The following NCALD variants were observed in gnomAD, a reference collection of about 807,000 sequenced individuals.
The protein encoded by NCALD is neurocalcin delta, also known as neurocalcin-delta.
A neutral mutation model predicts 18.6 loss-of-function variants in NCALD; 10 were observed. The observed-to-expected ratio is 0.54, with a 90% CI of 0.33 to 0.91. The LOEUF is 0.91. Ranked by LOEUF, NCALD falls within the 40% of genes least tolerant of loss-of-function variation. The probability of loss-of-function intolerance (pLI) is 0.03; values close to 1 mark genes in which losing one functional copy is unlikely to be tolerated. For synonymous variants in NCALD, 88 were observed against 87.4 expected, an observed-to-expected ratio of 1.01 and a Z score of -0.04; for missense variants, 184 against 247.6, an observed-to-expected ratio of 0.74 and a Z score of 1.72.
intron 2 of NCALD, among the ~76,000 whole-genome samples, chr8:101,698,743 C>T (rs1815119418): frequency 6.6e-6 from 1 of 152,144 alleles, no homozygotes; most frequent in African/African-American, 2.4e-5. Flanking sequence ...AAAACTGAAA[C>T]TGCACCCCTT....
intron 2 of NCALD, among the ~76,000 whole-genome samples, chr8:101,961,191 T>C (rs1029402807): frequency 2.0e-5 from 3 of 152,132 alleles, no homozygotes; most frequent in African/African-American, 7.2e-5. Flanking sequence ...TTACAGATGG[T>C]TTGATGAGAA....
intron 1 of NCALD, among the ~76,000 whole-genome samples, chr8:102,061,827 GATT>G (rs915189132): frequency 6.6e-6 from 1 of 152,188 alleles, no homozygotes; most frequent in African/African-American, 2.4e-5. Context: ...TACACACGGA[GATT>G]ATTTTTAGTT....
chr8:101,972,263 G>A (rs1016035153), intron 2 of NCALD, among the ~76,000 whole-genome samples: 1 of 152,180 alleles, frequency 6.6e-6, no homozygotes, highest in Admixed American at 6.5e-5. Flanking sequence ...TTTGAATAGA[G>A]CCCAAGCTTT....
chr8:101,812,060 G>C (rs1053567891), intron 4 of NCALD, among the ~76,000 whole-genome samples: 3 of 152,154 alleles, frequency 2.0e-5, no homozygotes, highest in Non-Finnish European at 4.4e-5. Context: ...CTGGGAACCT[G>C]TCCTGTTAAA....
intron 2 of NCALD, among the ~76,000 whole-genome samples, chr8:102,017,059 TC>T (rs1374897279): frequency 6.6e-6 from 1 of 152,088 alleles, no homozygotes; most frequent in African/African-American, 2.4e-5. Context: ...AGAAATTTTA[TC>T]CAAATTGAAA....
intron 2 of NCALD, among the ~76,000 whole-genome samples, chr8:101,717,886 A>G (rs1401777109): frequency 6.6e-6 from 1 of 152,242 alleles, no homozygotes; most frequent in Non-Finnish European, 1.5e-5. Flanking sequence ...GTGGCAGAAT[A>G]CATGAATTGT....
At chr8:101,739,652 G>GA (rs58565329) in intron 1 of NCALD, among the ~76,000 whole-genome samples, 26,141 of 152,112 alleles carry the variant, frequency 0.17, 4,060 homozygotes, top group African/African-American at 0.41. Context: ...TACTGCCCTG[G>GA]AACATCACAC....
chr8:101,938,943 T>C (rs1010053824), intron 2 of NCALD, among the ~76,000 whole-genome samples: 1 of 152,248 alleles, frequency 6.6e-6, no homozygotes, highest in Non-Finnish European at 1.5e-5. Flanking sequence ...GGATGGAATA[T>C]AATGTGCAAT....
chr8:101,985,149 T>G (rs118137153), intron 2 of NCALD, among the ~76,000 whole-genome samples: 1 of 152,150 alleles, frequency 6.6e-6, no homozygotes, highest in Non-Finnish European at 1.5e-5. Context: ...CCATGCTGCG[T>G]GGAAGCCAAC....
intron 1 of NCALD, among the ~76,000 whole-genome samples, chr8:102,091,046 T>A (rs1369674403): frequency 6.6e-6 from 1 of 152,138 alleles, no homozygotes; most frequent in African/African-American, 2.4e-5. Flanking sequence ...AGCCCCAATT[T>A]ATCTTGGTAC....
rs186227719 is a variant in NCALD, at chr8:101,734,406, T to C, written c.-19-14758A>G. On this transcript the variant is annotated intron_variant, in intron 1 of 3. Transcript: ENST00000220931. ...ACAATTGGAATTATTTGCACAGTTA[T>C]ATGCTTAAAATCTACATCTCCTGCC... Among the ~76,000 whole-genome samples the C allele has an allele frequency of 1.1e-3, 169 of 152,332 alleles. 1 individual carries two copies. The highest frequency in any genetic ancestry group is 0.01 in the Admixed American group (160 of 15,306).
chr8:101,929,563 G>A (rs1818488756), intron 2 of NCALD, among the ~76,000 whole-genome samples: 1 of 65,620 alleles, frequency 1.5e-5, no homozygotes, highest in Non-Finnish European at 3.1e-5. Flanking sequence ...GAGGGAGGAA[G>A]GAAGGGAAGG....
At chr8:102,102,707 A>G (rs1260031274) in intron 1 of NCALD, among the ~76,000 whole-genome samples, 1 of 152,028 alleles carries the variant, frequency 6.6e-6, no homozygotes, top group African/African-American at 2.4e-5. Context: ...CTCCTTCTGC[A>G]CACCAGGCTC....
intron 2 of NCALD, among the ~76,000 whole-genome samples, chr8:101,705,326 G>A (rs1815462997): frequency 6.6e-6 from 1 of 152,138 alleles, no homozygotes; most frequent in South Asian, 2.1e-4. Flanking sequence ...AGAGAAACAT[G>A]GTTAACATGA....
intron 4 of NCALD, among the ~76,000 whole-genome samples, chr8:101,838,431 A>G (rs1814503263): frequency 6.6e-6 from 1 of 152,190 alleles, no homozygotes; most frequent in Non-Finnish European, 1.5e-5. Flanking sequence ...CATGTTGGCC[A>G]GGATGGTCTC....
chr8:101,979,794 C>T (rs1020780251), intron 2 of NCALD, among the ~76,000 whole-genome samples: 1 of 152,176 alleles, frequency 6.6e-6, no homozygotes, highest in Non-Finnish European at 1.5e-5. Flanking sequence ...AAATCCCTAT[C>T]GACAGTGTTA....
intron 1 of NCALD, among the ~76,000 whole-genome samples, chr8:102,044,528 A>C (rs1823170737): frequency 6.6e-6 from 1 of 152,238 alleles, no homozygotes; most frequent in Non-Finnish European, 1.5e-5. Context: ...TCTCAAAGAC[A>C]AAGTTCACCA....
intron 1 of NCALD, among the ~76,000 whole-genome samples, chr8:102,105,713 A>G (rs1825421653): frequency 6.6e-6 from 1 of 152,144 alleles, no homozygotes; most frequent in Non-Finnish European, 1.5e-5. Context: ...CATGAGGCCC[A>G]GCTGTACTTT....
chr8:101,931,882 TG>T (rs1323863041), intron 2 of NCALD, among the ~76,000 whole-genome samples: 2 of 152,132 alleles, frequency 1.3e-5, no homozygotes, highest in Non-Finnish European at 2.9e-5. Flanking sequence ...AATGTATTAA[TG>T]GGGTGTCTCA....
Sources: allele counts gnomAD v4.1 joint callset (sites outside exome capture counted in the v4.1 genomes callset), GRCh38; gene constraint gnomAD v4.1.1; transcripts MANE v1.5; gene names NCBI Gene and HGNC (gene_info 2026-07-23, HGNC 2026-07-21).